The following SGMS2 variants were observed in gnomAD, a reference collection of about 807,000 sequenced individuals.
SGMS2 encodes the protein sphingomyelin synthase 2, also known as phosphatidylcholine:ceramide cholinephosphotransferase 2.
Under a neutral mutation model 43.8 loss-of-function variants are expected in SGMS2, and 21 were observed. The ratio of observed to expected loss-of-function variants is 0.48; its 90% CI spans 0.34 to 0.69. The LOEUF is 0.69. Among genes scored for constraint, SGMS2 ranks in the 30% least tolerant of loss-of-function variants. SGMS2 has a pLI of 0.01. For missense variants in SGMS2, 384 were observed against 443.2 expected (o/e 0.87, Z 1.20); for synonymous variants, 167 against 160.6 (o/e 1.04, Z -0.30).
At chr4:107,860,226 G>A (rs572779102) in intron 2 of SGMS2, among the ~76,000 whole-genome samples, 1 of 151,972 alleles carries the variant, frequency 6.6e-6, no homozygotes, top group Admixed American at 6.5e-5. Context: ...TACAATATAT[G>A]TAGGAGGACT....
rs964336039 is a variant in SGMS2, at chr4:107,839,141, C to G, written c.-327+13888C>G. Among the ~76,000 whole-genome samples, 62 of 152,018 alleles carry G rather than the reference C, an allele frequency of 4.1e-4. 3 individuals are homozygous for G. The highest frequency in any genetic ancestry group is 3.9e-4 in the Admixed American group (6 of 15,254). ...TACCTATTTCAGAAACTCCATCTTTCCCCCACCTCTGAGTTCTTTGGGTGA... is the reference window on the plus strand; with the variant it reads ...TACCTATTTCAGAAACTCCATCTTTGCCCCACCTCTGAGTTCTTTGGGTGA... On this transcript the variant is annotated intron_variant, in intron 1 of 6. Coordinates refer to ENST00000690982, the MANE Select transcript of SGMS2 (RefSeq NM_001375905.1).
chr4:107,901,325 G>C (rs760210633), intron 4 of SGMS2, among the ~76,000 whole-genome samples: 1 of 152,172 alleles, frequency 6.6e-6, no homozygotes, highest in East Asian at 1.9e-4. Flanking sequence ...TACAGAACAG[G>C]CATCAGAGTT....
At position 107,895,603 on chromosome 4, in the gene SGMS2, C is replaced by G. The variant is rs1730597606; in HGVS notation, c.50C>G (p.Pro17Arg). The G allele has an allele frequency of 6.2e-7, 1 of 1,613,738 alleles. No homozygotes were observed. Among genetic ancestry groups the G allele is most frequent in the Non-Finnish European group, 8.5e-7 (1 of 1,179,892 alleles). ...AKLEEHLENQ[P>R]SDPTNTYARP... ...CTTGAAGAACATTTGGAAAATCAACCCAGTGATCCTACGAACACTTATGCA... is the reference window on the plus strand; with the variant it reads ...CTTGAAGAACATTTGGAAAATCAACGCAGTGATCCTACGAACACTTATGCA... The change falls in exon 3 of 7, where the codon CCC becomes CGC. Residue 17 changes from proline (P) to arginine (R), a missense_variant. Physicochemically the swap from Pro to Arg is moderately radical, Grantham distance 103. Coordinates refer to ENST00000690982, the MANE Select transcript of SGMS2 (RefSeq NM_001375905.1).
intron 1 of SGMS2, among the ~76,000 whole-genome samples, chr4:107,837,143 A>G (rs1726232384): frequency 6.6e-6 from 1 of 152,124 alleles, no homozygotes; most frequent in Admixed American, 6.5e-5. Context: ...GCTAGACCTC[A>G]TTTTTGATTC....
intron 1 of SGMS2, among the ~76,000 whole-genome samples, chr4:107,850,616 C>T (rs1227184911): frequency 6.6e-6 from 1 of 152,120 alleles, no homozygotes; most frequent in Non-Finnish European, 1.5e-5. Context: ...CTGAAAATGA[C>T]ATTAGTAACA....
At chr4:107,884,920 CTG>C (rs1216301393) in intron 2 of SGMS2, among the ~76,000 whole-genome samples, 1 of 152,162 alleles carries the variant, frequency 6.6e-6, no homozygotes, top group African/African-American at 2.4e-5. Context: ...TCTAAATTAA[CTG>C]AGACCTATCT....
intron 1 of SGMS2, among the ~76,000 whole-genome samples, chr4:107,827,959 C>T (rs2125981441): frequency 6.6e-6 from 1 of 152,096 alleles, no homozygotes; most frequent in South Asian, 2.1e-4. Context: ...GCACTCCAGC[C>T]TGGGTGACAG....
rs183665752 is a variant in SGMS2 at position 107,912,243 on chromosome 4, G to C, written c.*1690G>C. ...GTTATAGAATAATCACTAAAGGAAA[G>C]GTAGTTGAATTTAAAGTCATGAAGC... On this transcript the variant is annotated 3_prime_UTR_variant, in exon 7 of 7. Coordinates refer to ENST00000690982, the MANE Select transcript of SGMS2 (RefSeq NM_001375905.1). 2 of 152,220 alleles carry C rather than the reference G, an allele frequency of 1.3e-5. No homozygotes were observed. Among genetic ancestry groups the C allele is most frequent in the Admixed American group, 1.3e-4 (2 of 15,282 alleles). 9.4% of individuals were successfully genotyped at this position (152,220 alleles called of 1,614,324 possible).
At position 107,862,752 on chromosome 4, in the gene SGMS2, A is replaced by G. The variant is rs191621575; in HGVS notation, c.-245+4199A>G. ...TAGTGTTGGGAGGACGTCGTGCTGA[A>G]TAGATTTCTGCCTTATATCCGACTG... On this transcript the variant is annotated intron_variant, in intron 2 of 6. Coordinates refer to ENST00000690982, the MANE Select transcript of SGMS2 (RefSeq NM_001375905.1). Among the ~76,000 whole-genome samples, 4 of 152,296 alleles carry G rather than the reference A, an allele frequency of 2.6e-5. No individual in the cohort carries two copies. In the East Asian group the frequency reaches 5.8e-4, roughly 22 times the overall value.
chr4:107,884,312 T>C (rs1044306545), intron 2 of SGMS2, among the ~76,000 whole-genome samples: 2 of 152,152 alleles, frequency 1.3e-5, no homozygotes, highest in Non-Finnish European at 2.9e-5. Context: ...TGTTGTTGTT[T>C]TTCTCCCTTC....
intron 5 of SGMS2, among the ~76,000 whole-genome samples, chr4:107,905,335 G>A (rs993455254): frequency 6.6e-6 from 1 of 152,056 alleles, no homozygotes. Context: ...GAACAGTATG[G>A]GGGAAACCAC....
intron 2 of SGMS2, among the ~76,000 whole-genome samples, chr4:107,864,819 G>A (rs980532085): frequency 6.6e-6 from 1 of 152,108 alleles, no homozygotes; most frequent in African/African-American, 2.4e-5. Flanking sequence ...TAATGTTGAA[G>A]GTAGAATCCC....
At chr4:107,838,303 G>C (rs989325674) in intron 1 of SGMS2, among the ~76,000 whole-genome samples, 1 of 152,170 alleles carries the variant, frequency 6.6e-6, no homozygotes, top group African/African-American at 2.4e-5. Context: ...GAGGATACTT[G>C]AGATCTTGTT....
chr4:107,896,064 A>T (rs1158697723), intron 3 of SGMS2, 56 bp downstream of exon 3: 1 of 1,484,500 alleles, frequency 6.7e-7, no homozygotes, highest in Non-Finnish European at 9.2e-7. Flanking sequence ...GAGTGAATAG[A>T]TGGGTTATTG....
At chr4:107,825,310 C>T (rs1725515077) in intron 1 of SGMS2, 57 bp downstream of exon 1, 2 of 152,476 alleles carry the variant, frequency 1.3e-5, no homozygotes, top group South Asian at 2.1e-4. Flanking sequence ...GAGAGTCCTC[C>T]GAAGCGCGGG....
rs115073317 is a variant in SGMS2, at chr4:107,879,454, T to C, written c.-244-15856T>C. On this transcript the variant is annotated intron_variant, in intron 2 of 6. Coordinates refer to ENST00000690982, the MANE Select transcript of SGMS2 (RefSeq NM_001375905.1). The stretch of plus-strand genomic sequence containing the variant: ...TTTCTAGTTCTTTAGAAATAATTTA[T>C]CTTGATGGGCTATTTTTTTTTTTTC... 5.1e-3 allele frequency among the ~76,000 whole-genome samples: 751 copies of C among 146,970 alleles called. 2 individuals carry two copies. The highest frequency in any genetic ancestry group is 0.018 in the Middle Eastern group (5 of 284).
At chr4:107,834,498 A>G (rs1236390287) in intron 1 of SGMS2, among the ~76,000 whole-genome samples, 2 of 152,222 alleles carry the variant, frequency 1.3e-5, no homozygotes, top group Non-Finnish European at 2.9e-5. Flanking sequence ...GTGAAATGAT[A>G]GTCCCAGCAT....
chr4:107,861,460 C>T (rs1239197538), intron 2 of SGMS2, among the ~76,000 whole-genome samples: 1 of 152,146 alleles, frequency 6.6e-6, no homozygotes, highest in Admixed American at 6.5e-5. Flanking sequence ...CAACTACGAA[C>T]CCCAAATTAG....
At chr4:107,875,961 A>G (rs1413191736) in intron 2 of SGMS2, among the ~76,000 whole-genome samples, 1 of 152,092 alleles carries the variant, frequency 6.6e-6, no homozygotes, top group Non-Finnish European at 1.5e-5. Context: ...TCCCCACTCC[A>G]CAATGCCCCA....
Sources: allele counts gnomAD v4.1 joint callset (sites outside exome capture counted in the v4.1 genomes callset), GRCh38; gene constraint gnomAD v4.1.1; transcripts MANE v1.5; gene names NCBI Gene and HGNC (gene_info 2026-07-23, HGNC 2026-07-21).